The following ROBO1 variants were observed in gnomAD, a reference collection of about 807,000 sequenced individuals.
ROBO1 encodes roundabout guidance receptor 1, also known as roundabout homolog 1.
In ROBO1, 149 loss-of-function variants were observed where a neutral mutation model predicts 195.9. The ratio of observed to expected loss-of-function variants is 0.76; its 90% CI spans 0.67 to 0.87. The LOEUF is 0.87. Ranked by LOEUF, ROBO1 falls within the 40% of genes least tolerant of loss-of-function variation. The pLI is 0.00. For missense variants in ROBO1, 1,933 were observed against 2,068.3 expected (o/e 0.93, Z 1.27); for synonymous variants, 816 against 733.2 (o/e 1.11, Z -1.82).
At chr3:79,516,575 C>T (rs955000906) in intron 2 of ROBO1, among the ~76,000 whole-genome samples, 1 of 152,064 alleles carries the variant, frequency 6.6e-6, no homozygotes, top group Non-Finnish European at 1.5e-5. Context: ...CACAAACAAA[C>T]ATGGATATAT....
At chr3:79,755,002 T>C (rs1048227094) in intron 1 of ROBO1, among the ~76,000 whole-genome samples, 1 of 152,134 alleles carries the variant, frequency 6.6e-6, no homozygotes. Flanking sequence ...TGCCTCAGCC[T>C]CCCGAGTAGC....
chr3:78,724,554 T>C (rs922123799), intron 5 of ROBO1, among the ~76,000 whole-genome samples: 3 of 145,282 alleles, frequency 2.1e-5, no homozygotes, highest in Admixed American at 6.9e-5. Flanking sequence ...TGCTGGCACA[T>C]GCGTGTAGTC....
intron 1 of ROBO1, among the ~76,000 whole-genome samples, chr3:79,663,285 G>T (rs755349734): frequency 9.2e-5 from 14 of 151,824 alleles, no homozygotes; most frequent in Non-Finnish European, 1.6e-4. Context: ...ACAAAAAAAT[G>T]CAATGGTATA....
rs952765742 is a variant in ROBO1 at position 79,391,122 on chromosome 3, CAAAAAAAA to C, written c.88+198694_88+198701del. On this transcript the variant is annotated intron_variant, in intron 2 of 30. Coordinates refer to ENST00000464233, the MANE Select transcript of ROBO1 (RefSeq NM_002941.4). ...TAATATAGCAGGACCCTGTCTCTAC[CAAAAAAAA>C]AAAAAAAAAAAATTTGGCCAAGTGT... Among the ~76,000 whole-genome samples the C allele has an allele frequency of 7.9e-5, 8 of 100,806 alleles. No homozygotes were observed. The East Asian group carries it at 2.3e-3, about 29-fold the overall frequency. The allele number at this position is 100,806 out of a possible 152,430, so 66.1% of individuals were successfully genotyped here.
At chr3:78,615,245 C>T (rs1385580236) in intron 27 of ROBO1, among the ~76,000 whole-genome samples, 1 of 151,956 alleles carries the variant, frequency 6.6e-6, no homozygotes, top group Admixed American at 6.6e-5. Context: ...GTACTAATGG[C>T]ACCCATATTT....
chr3:78,711,297 CTCTT>C (rs373370454), intron 8 of ROBO1, among the ~76,000 whole-genome samples: 3,500 of 139,772 alleles, frequency 0.025, 269 homozygotes, highest in African/African-American at 0.096. Context: ...TTCTTTCTTT[CTCTT>C]TCTTTCTTTC....
intron 3 of ROBO1, among the ~76,000 whole-genome samples, chr3:79,098,941 T>C (rs1329483296): frequency 6.6e-6 from 1 of 151,710 alleles, no homozygotes; most frequent in African/African-American, 2.4e-5. Context: ...AAATTTCCCA[T>C]TGATAATGGG....
intron 3 of ROBO1, among the ~76,000 whole-genome samples, chr3:79,097,046 C>G (rs2079583780): frequency 6.6e-6 from 1 of 151,608 alleles, no homozygotes; most frequent in Non-Finnish European, 1.5e-5. Flanking sequence ...CATTATTAGC[C>G]TTAAAACAAT....
Position 79,327,142 on chromosome 3 carries a change from C to T in ROBO1, c.89-201603G>A, listed in dbSNP as rs181303478. Among the ~76,000 whole-genome samples, 595 of 152,046 alleles carry T rather than the reference C, an allele frequency of 3.9e-3. 2 individuals are homozygous for T. Among genetic ancestry groups the T allele is most frequent in the Middle Eastern group, 0.017 (5 of 292 alleles). The stretch of plus-strand genomic sequence containing the variant: ...AGGAAGACTTAAGAAAGAAAATTTA[C>T]GCAAAATAAGAAGCATTTTAGAATT... On this transcript the variant is annotated intron_variant, in intron 2 of 30. Transcript: ENST00000464233.
At chr3:78,921,793 CTT>C (rs749601936) in intron 4 of ROBO1, among the ~76,000 whole-genome samples, 13 of 141,882 alleles carry the variant, frequency 9.2e-5, no homozygotes, top group East Asian at 2.0e-4. Flanking sequence ...TCTAACAATC[CTT>C]TTTTTTTTTT....
intron 2 of ROBO1, among the ~76,000 whole-genome samples, chr3:79,547,179 C>T (rs1942300431): frequency 1.1e-5 from 1 of 89,016 alleles, no homozygotes; most frequent in Non-Finnish European, 2.1e-5. Flanking sequence ...AGCGAGACTC[C>T]GCCTCAAAAA....
intron 10 of ROBO1, among the ~76,000 whole-genome samples, chr3:78,679,497 A>G (rs1397201561): frequency 3.3e-5 from 5 of 152,170 alleles, no homozygotes; most frequent in Admixed American, 2.6e-4. Context: ...TACAAAATCA[A>G]TGTACAAAAA....
intron 2 of ROBO1, among the ~76,000 whole-genome samples, chr3:79,447,117 C>T (rs2107171397): frequency 6.6e-6 from 1 of 152,276 alleles, no homozygotes; most frequent in Middle Eastern, 3.4e-3. Context: ...GCGTGAGCCA[C>T]CATGCGCGGC....
At chr3:79,489,393 C>A (rs934313919) in intron 2 of ROBO1, among the ~76,000 whole-genome samples, 2 of 152,018 alleles carry the variant, frequency 1.3e-5, no homozygotes, top group Admixed American at 1.3e-4. Flanking sequence ...CAGTGGCTAA[C>A]GCCTGTAATC....
intron 5 of ROBO1, among the ~76,000 whole-genome samples, chr3:78,734,440 A>G (rs1335805770): frequency 6.6e-6 from 1 of 151,622 alleles, no homozygotes; most frequent in Admixed American, 6.6e-5. Flanking sequence ...CACATACTGT[A>G]GTCCCAGCTA....
intron 2 of ROBO1, among the ~76,000 whole-genome samples, chr3:79,578,805 C>T (rs1943572124): frequency 6.6e-6 from 1 of 152,112 alleles, no homozygotes; most frequent in Non-Finnish European, 1.5e-5. Context: ...AAAGACACTT[C>T]CATTTGGAAG....
intron 4 of ROBO1, among the ~76,000 whole-genome samples, chr3:78,884,656 G>GA (rs2036420584): frequency 4.9e-5 from 3 of 61,230 alleles, no homozygotes; most frequent in South Asian, 5.2e-4. Context: ...AGAAAGGAAG[G>GA]AAGGAAGGAA....
rs375887092 is a variant in ROBO1, at chr3:78,617,703, T to C, written c.4214A>G (p.Gln1405Arg). ...GSFFTDADFAQAVAAAAEYAG... is the reference protein window; with the variant it reads ...GSFFTDADFARAVAAAAEYAG... ...ATACTCTGCCGCTGCTGCGACTGCC[T>C]GGGCAAAGTCAGCATCAGTGAAAAA... Residue 1405 changes from glutamine (Q) to arginine (R), a missense_variant, in exon 27 of 31, where the codon CAG becomes CGG. This residue lies in a region of ROBO1 where 1,737 missense variants were observed against 1,882.5 expected (regional missense o/e 0.92). Transcript: ENST00000464233. 1.2e-6 allele frequency: 2 copies of C among 1,613,856 alleles called. No individual in the cohort carries two copies. The highest frequency in any genetic ancestry group is 1.3e-5 in the African/African-American group (1 of 74,936).
At chr3:79,697,361 A>G (rs1314158207) in intron 1 of ROBO1, among the ~76,000 whole-genome samples, 1 of 151,548 alleles carries the variant, frequency 6.6e-6, no homozygotes, top group African/African-American at 2.4e-5. Flanking sequence ...TTAGAAAAAA[A>G]TTAGATACAT....
Sources: allele counts gnomAD v4.1 joint callset (sites outside exome capture counted in the v4.1 genomes callset), GRCh38; gene constraint gnomAD v4.1.1; regional missense constraint gnomAD v4.1.1; transcripts MANE v1.5; gene names NCBI Gene and HGNC (gene_info 2026-07-23, HGNC 2026-07-21).